The following PMM2 variants were observed in gnomAD, a reference collection of about 807,000 sequenced individuals.
PMM2 encodes phosphomannomutase 2.
In PMM2, 35 loss-of-function variants were observed where a neutral mutation model predicts 33.2. The observed-to-expected ratio is 1.06, with a 90% CI of 0.81 to 1.40. The LOEUF (loss-of-function observed/expected upper bound fraction) is 1.40, where lower values mean the gene tolerates loss of function less well. Ranked by LOEUF, PMM2 falls within the 40% of genes most tolerant of loss-of-function variation. The pLI is 0.00. For synonymous variants in PMM2, 153 were observed against 114.7 expected (o/e 1.33, Z -2.13); for missense variants, 386 against 306.0 (o/e 1.26, Z -1.95).
At chr16:8,815,218 C>CTTTTTTTTTT (rs59339190) in intron 7 of PMM2, among the ~76,000 whole-genome samples, 1 of 138,504 alleles carries the variant, frequency 7.2e-6, no homozygotes, top group East Asian at 2.1e-4. Context: ...TATTTTCTTT[C>CTTTTTTTTTT]TTTTTTTTTT....
intron 7 of PMM2, among the ~76,000 whole-genome samples, chr16:8,831,545 A>G (rs1480458603): frequency 6.6e-6 from 1 of 152,146 alleles, no homozygotes; most frequent in Non-Finnish European, 1.5e-5. Flanking sequence ...AAAAATAAAT[A>G]AGAGTCCCGA....
chr16:8,832,450 C>A, intron 7 of PMM2: 2 of 985,398 alleles, frequency 2.0e-6, no homozygotes, highest in Non-Finnish European at 2.4e-6. Flanking sequence ...CAGACACCTC[C>A]CCACCAGCCC....
At chr16:8,835,595 G>A (rs1214886148) in intron 7 of PMM2, among the ~76,000 whole-genome samples, 1 of 151,542 alleles carries the variant, frequency 6.6e-6, no homozygotes, top group African/African-American at 2.4e-5. Context: ...GGGTGGATAG[G>A]CAAAACAATT....
rs1273955150 is a variant in PMM2, at chr16:8,804,784, T to C, written c.196T>C (p.Tyr66His). 3 of 1,612,918 alleles carry C rather than the reference T, an allele frequency of 1.9e-6. No individual in the cohort carries two copies. The highest frequency in any genetic ancestry group is 1.3e-5 in the African/African-American group (1 of 74,886). The change falls in exon 3 of 8, where the codon TAT (tyrosine) becomes CAT (histidine). Residue 66 changes from tyrosine to histidine, a missense_variant. Coordinates refer to ENST00000268261, the MANE Select transcript of PMM2 (RefSeq NM_000303.3). ...LGNDVVEKYD[Y>H]VFPENGLVAY... ...GATTGTAGTGGTTGAAAAATACGAT[T>C]ATGTGTTTCCAGAAAATGGCTTGGT...
At chr16:8,831,074 G>C (rs939718002) in intron 7 of PMM2, among the ~76,000 whole-genome samples, 2 of 152,200 alleles carry the variant, frequency 1.3e-5, no homozygotes, top group African/African-American at 2.4e-5. Flanking sequence ...GGGAGGCAGA[G>C]ATTCCAGTGA....
chr16:8,814,954 G>A (rs8057024), intron 7 of PMM2, among the ~76,000 whole-genome samples: 77,373 of 151,912 alleles, frequency 0.51, 19,782 homozygotes, highest in South Asian at 0.63. Flanking sequence ...ACATAACTGA[G>A]ACATTACACC....
At chr16:8,844,705 G>A (rs978184440) in intron 7 of PMM2, among the ~76,000 whole-genome samples, 28 of 152,312 alleles carry the variant, frequency 1.8e-4, no homozygotes, top group African/African-American at 6.3e-4. Context: ...TTCCCAGTCC[G>A]TGACCGGCGC....
At position 8,829,030 on chromosome 16, in the gene PMM2, T is replaced by C. The variant is rs985511343; in HGVS notation, c.639+15924T>C. ...TCTCACTCTATTGCCCAGGCTGGAG[T>C]GCAGTGGTGCGATCTTAGCTCACTG... On this transcript the variant is annotated intron_variant, in intron 7 of 7. Transcript: ENST00000268261. Among the ~76,000 whole-genome samples the C allele has an allele frequency of 2.6e-5, 4 of 152,130 alleles. No homozygotes were observed. In the South Asian group the frequency reaches 8.3e-4, roughly 32 times the overall value.
chr16:8,837,259 C>T (rs1228808294), intron 7 of PMM2, among the ~76,000 whole-genome samples: 1 of 151,884 alleles, frequency 6.6e-6, no homozygotes, highest in African/African-American at 2.4e-5. Context: ...GCCCATTTTA[C>T]GACAAGAATT....
chr16:8,825,494 A>AT (rs1001850199), intron 7 of PMM2, among the ~76,000 whole-genome samples: 1 of 151,280 alleles, frequency 6.6e-6, no homozygotes, highest in Non-Finnish European at 1.5e-5. Flanking sequence ...TAATTTTTGT[A>AT]TTTTTTAGTA....
At chr16:8,800,315 C>G (rs1343373962) in intron 1 of PMM2, among the ~76,000 whole-genome samples, 1 of 150,318 alleles carries the variant, frequency 6.7e-6, no homozygotes, top group African/African-American at 2.5e-5. Flanking sequence ...GAGCCGAGAC[C>G]ACACCATTGC....
In PMM2 at chr16:8,825,140, C is replaced by A. The variant is rs577483639; in HGVS notation, c.639+12034C>A. Among the ~76,000 whole-genome samples the A allele has an allele frequency of 2.0e-5, 3 of 152,232 alleles. No individual in the cohort carries two copies. The East Asian group carries it at 5.8e-4, about 29-fold the overall frequency. Reference sequence around the variant, plus strand: ...CTATCTCCTGGGTTCATGCCATTCTCCTGCTTCAGCCTCCCGAGTAGCTGG... The same window carrying A: ...CTATCTCCTGGGTTCATGCCATTCTACTGCTTCAGCCTCCCGAGTAGCTGG... On this transcript the variant is annotated intron_variant, in intron 7 of 7. Transcript: ENST00000268261.
At chr16:8,827,596 A>G (rs1242413870) in intron 7 of PMM2, among the ~76,000 whole-genome samples, 2 of 147,760 alleles carry the variant, frequency 1.4e-5, no homozygotes, top group African/African-American at 5.0e-5. Flanking sequence ...GGGTTTCACT[A>G]TGTTGGCCAG....
intron 7 of PMM2, among the ~76,000 whole-genome samples, chr16:8,814,193 C>G (rs1332648808): frequency 6.6e-6 from 1 of 152,098 alleles, no homozygotes; most frequent in East Asian, 1.9e-4. Flanking sequence ...CCAGGCTGGT[C>G]TTGATTCCTG....
chr16:8,826,150 T>G lies in PMM2; in HGVS notation c.639+13044T>G, dbSNP rs142742563. On this transcript the variant is annotated intron_variant, in intron 7 of 7. Transcript: ENST00000268261. ...ATGGAAAAAATTAAATAATACCCTT[T>G]CGATTTTAGCCAGCTTGCTCACACA... Among the ~76,000 whole-genome samples the G allele has an allele frequency of 3.1e-3, 469 of 152,306 alleles. 3 individuals are homozygous for G. Among genetic ancestry groups the G allele is most frequent in the African/African-American group, 0.011 (454 of 41,560 alleles).
chr16:8,836,739 G>A (rs949854826), intron 7 of PMM2, among the ~76,000 whole-genome samples: 1 of 152,040 alleles, frequency 6.6e-6, no homozygotes, highest in African/African-American at 2.4e-5. Context: ...GAATAAGACG[G>A]CCTTTTGACC....
intron 7 of PMM2, 199 bp from the exon 8 acceptor site, chr16:8,847,525 C>G (rs777783406): frequency 2.0e-5 from 12 of 588,608 alleles, no homozygotes; most frequent in Non-Finnish European, 3.7e-5. Flanking sequence ...AATTGCAGTT[C>G]AAGAGAAGGT....
intron 7 of PMM2, among the ~76,000 whole-genome samples, chr16:8,814,124 CT>C (rs1407581321): frequency 6.6e-6 from 1 of 152,082 alleles, no homozygotes; most frequent in African/African-American, 2.4e-5. Context: ...AACTCGGCCG[CT>C]CAAAGTTCTG....
At chr16:8,820,401 T>G (rs1212922698) in intron 7 of PMM2, among the ~76,000 whole-genome samples, 3 of 149,338 alleles carry the variant, frequency 2.0e-5, no homozygotes, top group Non-Finnish European at 4.4e-5. Flanking sequence ...TCACCCAGAC[T>G]GGAGTGCAGT....
Sources: gnomAD v4.1 joint callset for allele counts (sites outside exome capture counted in the v4.1 genomes callset) on GRCh38, gnomAD v4.1.1 for gene constraint, MANE v1.5 for transcripts, NCBI Gene and HGNC (gene_info 2026-07-23, HGNC 2026-07-21) for gene names.